The following FAAP100 variants were observed in gnomAD, a reference collection of about 807,000 sequenced individuals.
FAAP100 encodes FA core complex associated protein 100.
Under a neutral mutation model 65.8 loss-of-function variants are expected in FAAP100, and 46 were observed. That is an observed-to-expected ratio of 0.70 (90% confidence interval 0.55 to 0.89). The LOEUF (loss-of-function observed/expected upper bound fraction) is 0.89, where lower values mean the gene tolerates loss of function less well. Among genes scored for constraint, FAAP100 ranks in the 40% least tolerant of loss-of-function variants. The pLI, the probability that FAAP100 is intolerant of heterozygous loss-of-function variation, is 0.00. For synonymous variants in FAAP100, 663 were observed against 555.1 expected, an observed-to-expected ratio of 1.19 and a Z score of -2.73; for missense variants, 1,165 against 1,196.7, an observed-to-expected ratio of 0.97 and a Z score of 0.39.
chr17:81,551,089 C>A lies in FAAP100; in HGVS notation c.405G>T (p.Leu135Phe), dbSNP rs780888809. The A allele has an allele frequency of 4.5e-6, 7 of 1,572,246 alleles. No homozygotes were observed. The highest frequency in any genetic ancestry group is 1.4e-5 in the African/African-American group (1 of 73,752). ...LPDAALCAFT[L>F]LDSVLVTLVQ... ...CCAGGGTGACCAGCACACTGTCCAG[C>A]AAGGTGAACGCGCACAGCGCAGCAT... The change falls in exon 3 of 9, where the codon TTG becomes TTT. Residue 135 changes from leucine to phenylalanine, a missense_variant. By Grantham distance (22) the Leu-to-Phe change is conservative. Coordinates refer to ENST00000327787, the MANE Select transcript of FAAP100 (RefSeq NM_025161.6).
At chr17:81,552,918 C>T (rs181849813), upstream of FAAP100, among the ~76,000 whole-genome samples, 108 of 151,754 alleles carry the variant, frequency 7.1e-4, 2 homozygotes, top group Middle Eastern at 0.031. Flanking sequence ...AAGTGCGTCC[C>T]TCCCTCCGTG....
Position 81,550,627 on chromosome 17 carries a change from C to G in FAAP100, c.867G>C (p.Lys289Asn). 1.2e-6 allele frequency: 2 copies of G among 1,613,040 alleles called. No individual in the cohort carries two copies. The highest frequency in any genetic ancestry group is 1.3e-5 in the African/African-American group (1 of 75,056). ...CAGCTTCTGCAGCCTGTGGCTCTGTCTTCAAGGCCCCTATGAAGATGACGG... is the reference window on the plus strand; with the variant it reads ...CAGCTTCTGCAGCCTGTGGCTCTGTGTTCAAGGCCCCTATGAAGATGACGG... ...EEPVIFIGAL[K>N]TEPQAAEAAE... The change falls in exon 3 of 9, where the codon AAG becomes AAC. Residue 289 changes from lysine to asparagine, a missense_variant. Lys to Asn is a moderately conservative substitution (Grantham distance 94). Transcript: ENST00000327787.
chr17:81,543,464 G>A (rs1432099703), intron 7 of FAAP100, among the ~76,000 whole-genome samples: 1 of 152,194 alleles, frequency 6.6e-6, no homozygotes, highest in African/African-American at 2.4e-5. Flanking sequence ...AACTTGGAGA[G>A]CTTCTTCTCA....
chr17:81,543,216 G>A (rs914985690), intron 7 of FAAP100, among the ~76,000 whole-genome samples: 5 of 152,212 alleles, frequency 3.3e-5, no homozygotes, highest in East Asian at 1.9e-4. Context: ...CAGTGCCCAC[G>A]GGAGTCAAGC....
At chr17:81,546,608 C>T (rs894653374) in intron 5 of FAAP100, 7 of 342,484 alleles carry the variant, frequency 2.0e-5, no homozygotes, top group South Asian at 3.0e-4. Flanking sequence ...AGAACGCAGG[C>T]GAAGCTCATT....
In FAAP100 at chr17:81,539,959, G is replaced by A. The variant is rs532633782; in HGVS notation, c.*860C>T. On this transcript the variant is annotated 3_prime_UTR_variant, in exon 9 of 9. Coordinates refer to ENST00000327787, the MANE Select transcript of FAAP100 (RefSeq NM_025161.6). The stretch of plus-strand genomic sequence containing the variant: ...CACGGCTCCTACCCGCACTCATCGC[G>A]GACAGTGCCTGCAGCGGGAGCGGCG... 11 of 398,856 alleles carry A rather than the reference G, an allele frequency of 2.8e-5. No individual in the cohort carries two copies. The highest frequency in any genetic ancestry group is 1.3e-4 in the South Asian group (1 of 7,870). 24.7% of individuals were successfully genotyped at this position (398,856 alleles called of 1,614,324 possible).
At chr17:81,551,403 C>A (rs1349478577) in intron 2 of FAAP100, among the ~76,000 whole-genome samples, 200 bp from the exon 3 acceptor site, 1 of 152,250 alleles carries the variant, frequency 6.6e-6, no homozygotes, top group African/African-American at 2.4e-5. Context: ...CATCCAAAAC[C>A]AGCGTGAACC....
chr17:81,541,473 C>A, intron 7 of FAAP100, 78 bp from the exon 8 acceptor site: 1 of 1,270,672 alleles, frequency 7.9e-7, no homozygotes, highest in Non-Finnish European at 1.1e-6. Context: ...GGGTGACCCT[C>A]TCCCTCGAGC....
Position 81,545,854 on chromosome 17 carries a change from C to T in FAAP100, c.2202G>A (p.Gln734=), listed in dbSNP as rs540140949. ...CAGCAGCATTCTCAGCAAGGAGCCA[C>T]TGCAGGGTGGCACAGCACAGGGGCA... The part of the protein sequence containing the change: ...SGVPLCCATL[Q]WLLAENAAVD... The change falls in exon 6 of 9, where the codon CAG becomes CAA. Residue 734 remains glutamine (Q), a synonymous_variant. Coordinates refer to ENST00000327787, the MANE Select transcript of FAAP100 (RefSeq NM_025161.6). 6.2e-7 allele frequency: 1 copy of T among 1,609,912 alleles called. No individual in the cohort carries two copies. The highest frequency in any genetic ancestry group is 1.7e-5 in the Admixed American group (1 of 60,004).
intron 7 of FAAP100, among the ~76,000 whole-genome samples, chr17:81,542,837 G>A (rs1430437735): frequency 6.6e-6 from 1 of 152,262 alleles, no homozygotes; most frequent in Non-Finnish European, 1.5e-5. Context: ...AGGGGCTGGA[G>A]CTCTGCTCTT....
At chr17:81,549,765 T>C (rs1204525486) in intron 3 of FAAP100, among the ~76,000 whole-genome samples, 1 of 152,164 alleles carries the variant, frequency 6.6e-6, no homozygotes, top group Non-Finnish European at 1.5e-5. Flanking sequence ...GCTAAAACCC[T>C]CTCTGGCTTT....
chr17:81,549,561 T>A (rs952513590), intron 3 of FAAP100, among the ~76,000 whole-genome samples, 199 bp from the exon 4 acceptor site: 1 of 152,220 alleles, frequency 6.6e-6, no homozygotes, highest in Non-Finnish European at 1.5e-5. Flanking sequence ...ACGCCATCTC[T>A]GATCCCACCC....
At position 81,546,988 on chromosome 17, in the gene FAAP100, G is replaced by A. The variant is rs369234064; in HGVS notation, c.2094C>T (p.Ala698=). 51 of 1,504,966 alleles carry A rather than the reference G, an allele frequency of 3.4e-5. No individual in the cohort carries two copies. Among genetic ancestry groups the A allele is most frequent in the South Asian group, 1.8e-4 (14 of 76,816 alleles). 93.2% of individuals were successfully genotyped at this position (1,504,966 alleles called of 1,614,324 possible). ...SQPAGPASLR[A]EYLPPSVASI... ...AAGCCACAGATGGGGGCAGGTACTC[G>A]GCCCGCAGGGAGGCGGGTCCTGCTG... Residue 698 remains alanine, a synonymous_variant, in exon 5 of 9, where the codon GCC becomes GCT. Coordinates refer to ENST00000327787, the MANE Select transcript of FAAP100 (RefSeq NM_025161.6).
rs756846254 is a variant in FAAP100, at chr17:81,547,548, T to A, written c.1534A>T (p.Thr512Ser). ...GPRPISCTTSTTWSRLQTQDV... is the reference protein window; with the variant it reads ...GPRPISCTTSSTWSRLQTQDV... ...TGTGTCTGCAGGCGGCTCCAGGTGG[T>A]GCTGGTGGTGCAGGAGATGGGTCTG... Residue 512 changes from threonine (T) to serine (S), a missense_variant, in exon 5 of 9, where the codon ACC becomes TCC. Coordinates refer to ENST00000327787, the MANE Select transcript of FAAP100 (RefSeq NM_025161.6). 6.2e-6 allele frequency: 10 copies of A among 1,613,232 alleles called. No homozygotes were observed. The highest frequency in any genetic ancestry group is 1.6e-4 in the Middle Eastern group (1 of 6,084).
In FAAP100 at chr17:81,543,916, C is replaced by T. The variant is rs936647360; in HGVS notation, c.2427+88G>A. 51 of 1,239,650 alleles carry T rather than the reference C, an allele frequency of 4.1e-5. No homozygotes were observed. The South Asian group carries it at 5.9e-4, about 14-fold the overall frequency. The allele number at this position is 1,239,650 out of a possible 1,614,324, so 76.8% of individuals were successfully genotyped here. ...AACTCCCTTGCAGGGAGCCGCAGAC[C>T]CCGTGGCCAGCAGCTACAGGGTCCC... On this transcript the variant is annotated intron_variant, in intron 7 of 8. Transcript: ENST00000327787.
chr17:81,543,044 G>A (rs1324311449), intron 7 of FAAP100, among the ~76,000 whole-genome samples: 1 of 152,078 alleles, frequency 6.6e-6, no homozygotes, highest in Non-Finnish European at 1.5e-5. Context: ...CAGGGTCATG[G>A]CAGTGTCACA....
chr17:81,552,128 C>T, intron 1 of FAAP100, 38 bp downstream of exon 1: 1 of 1,477,754 alleles, frequency 6.8e-7, no homozygotes, highest in Non-Finnish European at 8.9e-7. Flanking sequence ...ACCGCCGCCC[C>T]CGCCCGGTCC....
chr17:81,551,272 C>A, intron 2 of FAAP100, 69 bp from the exon 3 acceptor site: 3 of 1,421,648 alleles, frequency 2.1e-6, no homozygotes, highest in Non-Finnish European at 2.8e-6. Context: ...TCACAATAAC[C>A]TGGCATGGAG....
chr17:81,550,100 AAG>A (rs1454318503), intron 3 of FAAP100, 146 bp downstream of exon 3: 18 of 787,584 alleles, frequency 2.3e-5, no homozygotes, highest in Non-Finnish European at 3.2e-5. Flanking sequence ...ACCTTGAGAC[AAG>A]AGAGTTAACC....
Sources: gnomAD v4.1 joint callset for allele counts (sites outside exome capture counted in the v4.1 genomes callset) on GRCh38, gnomAD v4.1.1 for gene constraint, MANE v1.5 for transcripts, NCBI Gene and HGNC (gene_info 2026-07-23, HGNC 2026-07-21) for gene names.